Variants in PDSS2 observed in about 807,000 individuals in gnomAD.
PDSS2 encodes the protein decaprenyl diphosphate synthase subunit 2.
Under a neutral mutation model 44.5 loss-of-function variants are expected in PDSS2, and 31 were observed. The observed-to-expected ratio is 0.70, with a 90% CI of 0.52 to 0.94. The LOEUF (loss-of-function observed/expected upper bound fraction) is 0.94, where lower values mean the gene tolerates loss of function less well. PDSS2 is among the 40% of genes least tolerant of loss of function. The pLI, the probability that PDSS2 is intolerant of heterozygous loss-of-function variation, is 0.00. For missense variants in PDSS2, 452 were observed against 482.2 expected (o/e 0.94, Z 0.59); for synonymous variants, 157 against 180.3 (o/e 0.87, Z 1.03).
chr6:107,354,449 C>A (rs77054606), intron 1 of PDSS2, among the ~76,000 whole-genome samples: 2 of 152,216 alleles, frequency 1.3e-5, no homozygotes, highest in South Asian at 2.1e-4. Flanking sequence ...ATGTACACAG[C>A]GGCAGCTTTC....
At chr6:107,302,311 C>T (rs1343659346) in intron 2 of PDSS2, among the ~76,000 whole-genome samples, 1 of 151,244 alleles carries the variant, frequency 6.6e-6, no homozygotes, top group Admixed American at 6.6e-5. Flanking sequence ...TACACTGTTA[C>T]CCAGGCTGGA....
At chr6:107,195,270 C>T (rs915252922) in intron 6 of PDSS2, among the ~76,000 whole-genome samples, 2 of 151,808 alleles carry the variant, frequency 1.3e-5, no homozygotes, top group Admixed American at 6.6e-5. Context: ...TGTTTGAGCC[C>T]GTGAGTTCAA....
At chr6:107,376,911 G>A (rs978680464) in intron 1 of PDSS2, among the ~76,000 whole-genome samples, 2 of 151,986 alleles carry the variant, frequency 1.3e-5, no homozygotes, top group Non-Finnish European at 2.9e-5. Context: ...AGACTTAAAT[G>A]TTAGACCTAA....
At position 107,178,633 on chromosome 6, in the gene PDSS2, C is replaced by T. The variant is rs577504048; in HGVS notation, c.1041+15189G>A. On this transcript the variant is annotated intron_variant, in intron 7 of 7. Coordinates refer to ENST00000369037, the MANE Select transcript of PDSS2 (RefSeq NM_020381.4). ...TGTTAGATTATAGACTAATACACAC[C>T]GTTTTCTGGATGCTTGCAAGATCAG... Among the ~76,000 whole-genome samples the T allele has an allele frequency of 3.3e-5, 5 of 152,226 alleles. No individual in the cohort carries two copies. The East Asian group carries it at 7.7e-4, about 23-fold the overall frequency.
Position 107,342,084 on chromosome 6 carries a change from A to G in PDSS2, c.297-7752T>C, listed in dbSNP as rs530989945. Among the ~76,000 whole-genome samples the G allele has an allele frequency of 2.6e-5, 4 of 151,982 alleles. No individual in the cohort carries two copies. In the South Asian group the frequency reaches 8.3e-4, roughly 32 times the overall value. ...TGCTTTGAGGCCTTGGTATTTAATT[A>G]TTTGTTCACAGGACTCCCTGGCAAG... On this transcript the variant is annotated intron_variant, in intron 1 of 7. Transcript: ENST00000369037.
At chr6:107,154,806 T>C in intron 7 of PDSS2, 29 bp from the exon 8 acceptor site, 1 of 1,611,386 alleles carries the variant, frequency 6.2e-7, no homozygotes, top group Non-Finnish European at 8.5e-7. Flanking sequence ...ATGATAAAAG[T>C]CAGTTTTAAA....
chr6:107,337,996 A>T (rs1162384349), intron 1 of PDSS2, among the ~76,000 whole-genome samples: 1 of 152,214 alleles, frequency 6.6e-6, no homozygotes, highest in Admixed American at 6.5e-5. Context: ...AGTGGTTAAC[A>T]ATCTGGAGGA....
chr6:107,239,623 A>G (rs1228927993), intron 4 of PDSS2, among the ~76,000 whole-genome samples: 2 of 142,316 alleles, frequency 1.4e-5, no homozygotes, highest in Non-Finnish European at 3.1e-5. Context: ...TTTAATAAAC[A>G]TGTACTCTAC....
intron 1 of PDSS2, among the ~76,000 whole-genome samples, chr6:107,409,899 G>A (rs903204316): frequency 6.6e-6 from 1 of 152,142 alleles, no homozygotes; most frequent in Non-Finnish European, 1.5e-5. Context: ...GTACGTGAAA[G>A]GAAAATATGA....
At chr6:107,401,767 C>T (rs1451031013) in intron 1 of PDSS2, among the ~76,000 whole-genome samples, 6 of 151,990 alleles carry the variant, frequency 3.9e-5, no homozygotes, top group Non-Finnish European at 7.4e-5. Context: ...GCTTCAACAA[C>T]AGAATAGACT....
chr6:107,186,803 G>A (rs1307781294), intron 7 of PDSS2, among the ~76,000 whole-genome samples: 1 of 152,084 alleles, frequency 6.6e-6, no homozygotes, highest in Non-Finnish European at 1.5e-5. Flanking sequence ...GCCTTTTTAT[G>A]GCTGCACACT....
intron 6 of PDSS2, among the ~76,000 whole-genome samples, chr6:107,207,287 C>T (rs941278359): frequency 2.6e-5 from 4 of 152,072 alleles, no homozygotes; most frequent in South Asian, 4.1e-4. Context: ...CCACCACACC[C>T]GGCCTGAGTT....
chr6:107,369,881 G>A (rs1262803002), intron 1 of PDSS2, among the ~76,000 whole-genome samples: 1 of 152,094 alleles, frequency 6.6e-6, no homozygotes, highest in Admixed American at 6.5e-5. Flanking sequence ...TGTTATGTCT[G>A]TAGTCCCAGT....
At chr6:107,268,959 T>C (rs911439527) in intron 3 of PDSS2, among the ~76,000 whole-genome samples, 2 of 149,852 alleles carry the variant, frequency 1.3e-5, no homozygotes, top group African/African-American at 4.9e-5. Context: ...TTTTTTTCCA[T>C]ACGGAGTTTC....
At chr6:107,240,489 C>A (rs1562400673) in intron 4 of PDSS2, among the ~76,000 whole-genome samples, 1 of 151,370 alleles carries the variant, frequency 6.6e-6, no homozygotes, top group Non-Finnish European at 1.5e-5. Flanking sequence ...AACTCCACCT[C>A]CCAGGTTCAA....
chr6:107,388,171 T>G (rs558251956), intron 1 of PDSS2, among the ~76,000 whole-genome samples: 1 of 152,124 alleles, frequency 6.6e-6, no homozygotes, highest in Non-Finnish European at 1.5e-5. Flanking sequence ...ATGTCAACAA[T>G]ATGTATACTT....
intron 1 of PDSS2, among the ~76,000 whole-genome samples, chr6:107,361,467 T>C (rs1364143228): frequency 6.6e-6 from 1 of 152,238 alleles, no homozygotes; most frequent in Admixed American, 6.5e-5. Context: ...TTTCAATTTG[T>C]GTTTCAAGGA....
At chr6:107,176,088 C>G (rs528117224) in intron 7 of PDSS2, among the ~76,000 whole-genome samples, 1 of 152,164 alleles carries the variant, frequency 6.6e-6, no homozygotes, top group South Asian at 2.1e-4. Context: ...GTCTCCCAGG[C>G]TGGAATGCAA....
intron 7 of PDSS2, among the ~76,000 whole-genome samples, 189 bp from the exon 8 acceptor site, chr6:107,154,966 G>C (rs1317651061): frequency 1.3e-5 from 2 of 152,080 alleles, no homozygotes; most frequent in Non-Finnish European, 2.9e-5. Flanking sequence ...ATTCCCTAAG[G>C]CTGCTTGGTG....
Sources: allele counts gnomAD v4.1 joint callset (sites outside exome capture counted in the v4.1 genomes callset), GRCh38; gene constraint gnomAD v4.1.1; transcripts MANE v1.5; gene names NCBI Gene and HGNC (gene_info 2026-07-23, HGNC 2026-07-21).